GNAI1: variants seen among roughly 807,000 people sequenced by gnomAD.
GNAI1 encodes the protein G protein subunit alpha i1, also known as guanine nucleotide-binding protein G(i) subunit alpha-1.
A neutral mutation model predicts 38.9 loss-of-function variants in GNAI1; 11 were observed. The ratio of observed to expected loss-of-function variants is 0.28; its 90% CI spans 0.18 to 0.47. GNAI1 has a LOEUF of 0.47. GNAI1 is among the 20% of genes least tolerant of loss of function. The pLI, the probability that GNAI1 is intolerant of heterozygous loss-of-function variation, is 0.99. For synonymous variants in GNAI1, 166 were observed against 145.1 expected, an observed-to-expected ratio of 1.14 and a Z score of -1.04; for missense variants, 317 against 436.9, an observed-to-expected ratio of 0.73 and a Z score of 2.45.
Position 80,135,113 on chromosome 7 carries a change from C to T in GNAI1, c.-48C>T. On this transcript the variant is annotated 5_prime_UTR_variant, in exon 1 of 8. Transcript: ENST00000649796. ...AAAGGATTCCCCTGTGCTTGGAGCCCGCACTCGGGCGCGGAGGGAGCGGCG... is the reference window on the plus strand; with the variant it reads ...AAAGGATTCCCCTGTGCTTGGAGCCTGCACTCGGGCGCGGAGGGAGCGGCG... 2 of 1,304,360 alleles carry T rather than the reference C, an allele frequency of 1.5e-6. No individual in the cohort carries two copies. Among genetic ancestry groups the T allele is most frequent in the Non-Finnish European group, 2.1e-6 (2 of 969,236 alleles). The allele number at this position is 1,304,360 out of a possible 1,614,324, so 80.8% of individuals were successfully genotyped here.
At chr7:80,188,711 A>G (rs1788429362) in intron 1 of GNAI1, among the ~76,000 whole-genome samples, 1 of 152,156 alleles carries the variant, frequency 6.6e-6, no homozygotes, top group Admixed American at 6.5e-5. Flanking sequence ...CTGACTCCAT[A>G]CAGTATTATT....
intron 5 of GNAI1, among the ~76,000 whole-genome samples, chr7:80,205,509 A>T (rs1449242918): frequency 1.3e-5 from 2 of 152,114 alleles, no homozygotes; most frequent in African/African-American, 4.8e-5. Context: ...TTTAAGGAAA[A>T]TTTTAATATT....
At chr7:80,207,343 C>T (rs1788793727) in intron 5 of GNAI1, among the ~76,000 whole-genome samples, 1 of 152,026 alleles carries the variant, frequency 6.6e-6, no homozygotes, top group African/African-American at 2.4e-5. Context: ...CACTTCCAGC[C>T]TAGGTTTTTC....
chr7:80,162,530 C>T (rs544568697), intron 1 of GNAI1, among the ~76,000 whole-genome samples: 16 of 152,318 alleles, frequency 1.1e-4, no homozygotes, highest in African/African-American at 3.4e-4. Context: ...TACATCTTTA[C>T]GATTTGGCTT....
intron 1 of GNAI1, among the ~76,000 whole-genome samples, chr7:80,148,970 C>G (rs1025187944): frequency 2.6e-5 from 4 of 152,006 alleles, no homozygotes; most frequent in African/African-American, 9.7e-5. Flanking sequence ...TAATTATATG[C>G]AGTATCAGTG....
chr7:80,194,586 T>C (rs746924481), intron 3 of GNAI1, among the ~76,000 whole-genome samples: 1 of 152,106 alleles, frequency 6.6e-6, no homozygotes, highest in Non-Finnish European at 1.5e-5. Flanking sequence ...ATTTTAACAT[T>C]TGTTTCTGTG....
intron 5 of GNAI1, among the ~76,000 whole-genome samples, chr7:80,205,207 C>A (rs1788753228): frequency 6.6e-6 from 1 of 152,046 alleles, no homozygotes; most frequent in African/African-American, 2.4e-5. Flanking sequence ...TATGCATGTC[C>A]TATACCAAAT....
rs1392372901 is a variant in GNAI1 at position 80,224,279 on chromosome 7, G to A, written c.*6786G>A. 2.6e-5 allele frequency among the ~76,000 whole-genome samples: 4 copies of A among 152,110 alleles called. No individual in the cohort carries two copies. The highest frequency in any genetic ancestry group is 9.7e-5 in the African/African-American group (4 of 41,404). On this transcript the variant is annotated 3_prime_UTR_variant, in exon 8 of 8. Coordinates refer to ENST00000649796, the MANE Select transcript of GNAI1 (RefSeq NM_002069.6). ...TCATCAGAGCAGTCCTGCAATATTG[G>A]TAAAATTTCCATTTTCTATATAAGG...
intron 4 of GNAI1, 101 bp from the exon 5 acceptor site, chr7:80,203,603 C>G: frequency 1.4e-6 from 1 of 694,984 alleles, no homozygotes; most frequent in Non-Finnish European, 2.4e-6. Flanking sequence ...TTAGTGATTT[C>G]AGATTATCGC....
intron 1 of GNAI1, among the ~76,000 whole-genome samples, chr7:80,169,081 C>A (rs1177219319): frequency 6.6e-6 from 1 of 152,064 alleles, no homozygotes; most frequent in Admixed American, 6.6e-5. Flanking sequence ...GTCCCTGATT[C>A]TTTTGATTTT....
rs147712527 is a variant in GNAI1 at position 80,173,982 on chromosome 7, A to G, written c.119-14969A>G. On this transcript the variant is annotated intron_variant, in intron 1 of 7. Transcript: ENST00000649796. ...GGTCATTTTTAGGGCCCACGTTGATAAGGGGCCCAACTTGGGAGAAAATGT... is the reference window on the plus strand; with the variant it reads ...GGTCATTTTTAGGGCCCACGTTGATGAGGGGCCCAACTTGGGAGAAAATGT... 3.5e-3 allele frequency among the ~76,000 whole-genome samples: 534 copies of G among 152,204 alleles called. 1 individual carries two copies. The highest frequency in any genetic ancestry group is 0.012 in the African/African-American group (506 of 41,522).
chr7:80,184,517 G>A (rs1788357510), intron 1 of GNAI1, among the ~76,000 whole-genome samples: 1 of 152,102 alleles, frequency 6.6e-6, no homozygotes, highest in Non-Finnish European at 1.5e-5. Flanking sequence ...CATTCCTAGA[G>A]GAAGGTCATA....
At chr7:80,144,132 A>G (rs1207593701) in intron 1 of GNAI1, among the ~76,000 whole-genome samples, 2 of 152,152 alleles carry the variant, frequency 1.3e-5, no homozygotes, top group South Asian at 2.1e-4. Flanking sequence ...TAGAGAATGC[A>G]CTTTACATAA....
At chr7:80,176,331 T>A (rs893869709) in intron 1 of GNAI1, among the ~76,000 whole-genome samples, 2 of 152,164 alleles carry the variant, frequency 1.3e-5, no homozygotes, top group Non-Finnish European at 2.9e-5. Flanking sequence ...AGAAGCCATC[T>A]CCATAAAATA....
chr7:80,135,204 G>A lies in GNAI1; in HGVS notation c.44G>A (p.Arg15Gln). 1 of 1,554,974 alleles carries A rather than the reference G, an allele frequency of 6.4e-7. No homozygotes were observed. Among genetic ancestry groups the A allele is most frequent in the Non-Finnish European group, 8.7e-7 (1 of 1,151,166 alleles). The change falls in exon 1 of 8, where the codon CGG (arginine) becomes CAG (glutamine). Residue 15 changes from arginine to glutamine, a missense_variant. By Grantham distance (43) the Arg-to-Gln change is conservative. Around this residue, in one of 5 missense-constraint regions of GNAI1, gnomAD observed 37 missense variants for 26.2 expected, o/e 1.41. Coordinates refer to ENST00000649796, the MANE Select transcript of GNAI1 (RefSeq NM_002069.6). Reference protein sequence around the residue: ...LSAEDKAAVERSKMIDRNLRE... With the variant: ...LSAEDKAAVEQSKMIDRNLRE... ...GCCGAGGACAAGGCGGCGGTGGAGC[G>A]GAGTAAGATGATCGACCGCAACCTC...
At chr7:80,197,180 A>T (rs1246472416) in intron 3 of GNAI1, among the ~76,000 whole-genome samples, 4 of 137,434 alleles carry the variant, frequency 2.9e-5, no homozygotes, top group African/African-American at 2.7e-5. Context: ...GTTTCTGTGG[A>T]TTTTTTTTTT....
intron 4 of GNAI1, among the ~76,000 whole-genome samples, chr7:80,201,920 T>C (rs1346621793): frequency 6.6e-6 from 1 of 152,158 alleles, no homozygotes; most frequent in East Asian, 1.9e-4. Flanking sequence ...GATGCTAAGA[T>C]GCAGTCAAGT....
At chr7:80,150,876 A>G (rs1313226380) in intron 1 of GNAI1, among the ~76,000 whole-genome samples, 2 of 152,162 alleles carry the variant, frequency 1.3e-5, no homozygotes, top group East Asian at 1.9e-4. Context: ...TTTTTACACA[A>G]GTTATTCTTT....
At chr7:80,159,010 C>T (rs1469979474) in intron 1 of GNAI1, among the ~76,000 whole-genome samples, 3 of 152,202 alleles carry the variant, frequency 2.0e-5, no homozygotes, top group African/African-American at 4.8e-5. Context: ...CCACCACAGA[C>T]ATGCTGATAC....
Sources: gnomAD v4.1 joint callset for allele counts (sites outside exome capture counted in the v4.1 genomes callset) on GRCh38, gnomAD v4.1.1 for gene constraint, gnomAD v4.1.1 regional missense constraint, MANE v1.5 for transcripts, NCBI Gene and HGNC (gene_info 2026-07-23, HGNC 2026-07-21) for gene names.